PRLR: variants seen among roughly 807,000 people sequenced by gnomAD.
PRLR encodes the protein prolactin receptor, also known as hPRL receptor.
Under a neutral mutation model 40.2 loss-of-function variants are expected in PRLR, and 13 were observed. That is an observed-to-expected ratio of 0.32 (90% CI 0.21 to 0.51). The LOEUF (loss-of-function observed/expected upper bound fraction) is 0.51, where lower values mean the gene tolerates loss of function less well. PRLR is among the 20% of genes least tolerant of loss of function. The pLI is 0.97. For missense variants in PRLR, 656 were observed against 747.3 expected (o/e 0.88, Z 1.42); for synonymous variants, 269 against 278.7 (o/e 0.97, Z 0.35).
intron 5 of PRLR, among the ~76,000 whole-genome samples, chr5:35,074,367 C>G (rs1442953141): frequency 1.3e-5 from 2 of 151,618 alleles, no homozygotes; most frequent in Non-Finnish European, 2.9e-5. Flanking sequence ...GAGGCTGAGG[C>G]AGGAGAATCA....
At chr5:35,151,033 A>G (rs776182324) in intron 1 of PRLR, among the ~76,000 whole-genome samples, 5 of 152,224 alleles carry the variant, frequency 3.3e-5, no homozygotes, top group Non-Finnish European at 4.4e-5. Context: ...GGGGAATTAT[A>G]GGGTTTCACC....
At chr5:35,166,087 G>A (rs1774818128) in intron 1 of PRLR, among the ~76,000 whole-genome samples, 1 of 152,160 alleles carries the variant, frequency 6.6e-6, no homozygotes, top group Non-Finnish European at 1.5e-5. Context: ...ATGATACAGA[G>A]CTTTGATTGT....
In PRLR at chr5:35,065,778, G is replaced by T; in HGVS notation, c.1180C>A (p.Pro394Thr). ...TTGCCTTCCATGCTTATGCACTGGG[G>T]GTCCCAGGTGTGGGTTGTTTCAGGA... is the stretch of plus-strand genomic sequence containing the variant. Reference protein sequence around the residue: ...ENPETTHTWDPQCISMEGKIP... With the variant: ...ENPETTHTWDTQCISMEGKIP... The change falls in exon 10 of 10, where the codon CCC becomes ACC. Residue 394 changes from proline to threonine, a missense_variant. Transcript: ENST00000618457. 1.9e-6 allele frequency: 3 copies of T among 1,614,102 alleles called. No individual in the cohort carries two copies. The highest frequency in any genetic ancestry group is 1.6e-4 in the Middle Eastern group (1 of 6,062).
chr5:35,151,065 T>G (rs1774328585), intron 1 of PRLR, among the ~76,000 whole-genome samples: 1 of 152,224 alleles, frequency 6.6e-6, no homozygotes, highest in Non-Finnish European at 1.5e-5. Context: ...TCTCTGAGGC[T>G]ATGGTAAACA....
chr5:35,143,442 A>T (rs572744777), intron 1 of PRLR, among the ~76,000 whole-genome samples: 1 of 152,216 alleles, frequency 6.6e-6, no homozygotes, highest in African/African-American at 2.4e-5. Flanking sequence ...TCTGTCTGAC[A>T]TTCCTCCCCT....
Position 35,065,631 on chromosome 5 carries a change from G to A in PRLR, c.1327C>T (p.Pro443Ser), listed in dbSNP as rs1185682300. ...AACAGAGTGGCCGGTGCACCTGCAG[G>A]GCCCACAGCCAGCTCACACACATCA... ...ITDVCELAVG[P>S]AGAPATLLNE... Residue 443 changes from proline (P) to serine (S), a missense_variant, in exon 10 of 10, where the codon CCT (proline) becomes TCT (serine). Physicochemically the swap from Pro to Ser is moderately conservative, Grantham distance 74. This residue lies in a region of PRLR where 469 missense variants were observed against 491.5 expected (regional missense o/e 0.95). Coordinates refer to ENST00000618457, the MANE Select transcript of PRLR (RefSeq NM_000949.7). 6.2e-7 allele frequency: 1 copy of A among 1,613,884 alleles called. No homozygotes were observed. The highest frequency in any genetic ancestry group is 8.5e-7 in the Non-Finnish European group (1 of 1,179,912).
chr5:35,180,582 T>C (rs6882170), intron 1 of PRLR, among the ~76,000 whole-genome samples: 46,639 of 151,482 alleles, frequency 0.31, 8,060 homozygotes, highest in South Asian at 0.48. Context: ...TCTTTTCTTT[T>C]CCCCCCTTTT....
At chr5:35,180,490 G>A (rs1561351255) in intron 1 of PRLR, among the ~76,000 whole-genome samples, 1 of 152,104 alleles carries the variant, frequency 6.6e-6, no homozygotes, top group South Asian at 2.1e-4. Flanking sequence ...TAAGTTTCCC[G>A]AGGCCTCCAC....
chr5:35,121,584 T>C (rs1773292798), intron 1 of PRLR, among the ~76,000 whole-genome samples: 1 of 152,212 alleles, frequency 6.6e-6, no homozygotes, highest in South Asian at 2.1e-4. Flanking sequence ...CTTCAACATT[T>C]GAGGACTTTC....
rs1227810937 is a variant in PRLR, at chr5:35,129,306, G to A, written c.-105-11184C>T. Among the ~76,000 whole-genome samples, 3 of 152,176 alleles carry A rather than the reference G, an allele frequency of 2.0e-5. No homozygotes were observed. In the East Asian group the frequency reaches 5.8e-4, roughly 29 times the overall value. ...TTGACGTGCTCAATTTACTGTACAA[G>A]CAACTAAGGTGATGGGCAAATTGTA... On this transcript the variant is annotated intron_variant, in intron 1 of 9. Coordinates refer to ENST00000618457, the MANE Select transcript of PRLR (RefSeq NM_000949.7).
chr5:35,209,446 T>A (rs1243501999), intron 1 of PRLR, among the ~76,000 whole-genome samples: 2 of 151,632 alleles, frequency 1.3e-5, no homozygotes, highest in African/African-American at 4.9e-5. Flanking sequence ...TCAACAAAAA[T>A]AAAAAAAAGC....
chr5:35,077,610 C>T (rs920643056), intron 5 of PRLR, among the ~76,000 whole-genome samples: 2 of 152,144 alleles, frequency 1.3e-5, no homozygotes, highest in African/African-American at 2.4e-5. Context: ...TAATGGGAGA[C>T]TTTAACACCC....
At chr5:35,214,327 C>T (rs1776235531) in intron 1 of PRLR, among the ~76,000 whole-genome samples, 1 of 152,172 alleles carries the variant, frequency 6.6e-6, no homozygotes. Flanking sequence ...TGAAACTGTG[C>T]CATTTGTGGG....
At chr5:35,048,844 C>A in exon 9 of PRLR, 1 of 266,864 alleles carries the variant, frequency 3.7e-6, no homozygotes, top group South Asian at 4.6e-5. Context: ...GGACCACGTG[C>A]TTTACATGGC....
chr5:35,093,023 G>A lies in PRLR; in HGVS notation c.-43-3360C>T, dbSNP rs530995888. Among the ~76,000 whole-genome samples the A allele has an allele frequency of 3.2e-4, 48 of 152,228 alleles. 1 individual carries two copies. Among genetic ancestry groups the A allele is most frequent in the Admixed American group, 2.3e-3 (35 of 15,286 alleles). On this transcript the variant is annotated intron_variant, in intron 2 of 9. Transcript: ENST00000618457. ...AAGTCCCTTCTCCCTTGTGTTGCTT[G>A]GCATCAATGCTGATCCTGTTTAGGC...
At chr5:35,071,929 C>A (rs1375785951) in intron 6 of PRLR, among the ~76,000 whole-genome samples, 1 of 146,792 alleles carries the variant, frequency 6.8e-6, no homozygotes, top group Non-Finnish European at 1.5e-5. Context: ...GAGTTTCATT[C>A]TTGTTGCCCA....
chr5:35,052,270 G>GTAC (rs1768520708), downstream of PRLR, among the ~76,000 whole-genome samples: 1 of 151,970 alleles, frequency 6.6e-6, no homozygotes, highest in Non-Finnish European at 1.5e-5. Context: ...GAATGCAAGG[G>GTAC]TACTTTAACC....
chr5:35,180,529 T>C (rs1348447826), intron 1 of PRLR, among the ~76,000 whole-genome samples: 2 of 152,184 alleles, frequency 1.3e-5, no homozygotes, highest in Non-Finnish European at 2.9e-5. Context: ...AGTATCATGC[T>C]TCCTGTATAG....
At position 35,136,509 on chromosome 5, in the gene PRLR, C is replaced by T. The variant is rs1773862335; in HGVS notation, c.-105-18387G>A. 2.6e-5 allele frequency among the ~76,000 whole-genome samples: 4 copies of T among 152,168 alleles called. No individual in the cohort carries two copies. The South Asian group carries it at 8.3e-4, about 32-fold the overall frequency. ...AGTGTCTCCAGACATTGCCAAATTC[C>T]CCTGGGAGGCAAAATTGCCCAGGAG... On this transcript the variant is annotated intron_variant, in intron 1 of 9. Coordinates refer to ENST00000618457, the MANE Select transcript of PRLR (RefSeq NM_000949.7).
Sources: allele counts gnomAD v4.1 joint callset (sites outside exome capture counted in the v4.1 genomes callset), GRCh38; gene constraint gnomAD v4.1.1; regional missense constraint gnomAD v4.1.1; transcripts MANE v1.5; gene names NCBI Gene and HGNC (gene_info 2026-07-23, HGNC 2026-07-21).